Variants in MLLT10 observed in about 807,000 individuals in gnomAD.
The protein encoded by MLLT10 is protein AF-10.
MLLT10 carries 30 observed loss-of-function variants against 129.1 expected under a neutral mutation model. The observed-to-expected ratio is 0.23, with a 90% confidence interval of 0.17 to 0.32. MLLT10 has a LOEUF of 0.32. MLLT10 is among the 10% of genes least tolerant of loss of function. The pLI is 1.00. For missense variants in MLLT10, 1,119 were observed against 1,268.3 expected, an observed-to-expected ratio of 0.88 and a Z score of 1.79; for synonymous variants, 490 against 446.4, an observed-to-expected ratio of 1.10 and a Z score of -1.23.
chr10:21,618,063 A>T (rs1411487431), intron 8 of MLLT10, among the ~76,000 whole-genome samples: 3 of 152,206 alleles, frequency 2.0e-5, no homozygotes, highest in Non-Finnish European at 4.4e-5. Flanking sequence ...GAAGATAAAA[A>T]GGACATTGTC....
intron 5 of MLLT10, among the ~76,000 whole-genome samples, chr10:21,599,775 C>T (rs777884236): frequency 5.9e-5 from 9 of 151,992 alleles, no homozygotes; most frequent in Non-Finnish European, 1.0e-4. Flanking sequence ...ATAATGATGC[C>T]CAGGCTGATC....
intron 3 of MLLT10, among the ~76,000 whole-genome samples, chr10:21,561,638 C>T (rs1262240560): frequency 6.6e-6 from 1 of 152,194 alleles, no homozygotes; most frequent in Non-Finnish European, 1.5e-5. Context: ...TGTCCACCTA[C>T]ATTCTTTTGC....
chr10:21,669,202 C>A (rs2051139974), intron 9 of MLLT10: 10 of 724,886 alleles, frequency 1.4e-5, no homozygotes, highest in Non-Finnish European at 1.9e-5. Flanking sequence ...TGAAATATTT[C>A]TTCTATTTAA....
At chr10:21,652,054 A>G in intron 9 of MLLT10, among the ~76,000 whole-genome samples, 1 of 151,792 alleles carries the variant, frequency 6.6e-6, no homozygotes, top group Non-Finnish European at 1.5e-5. Context: ...CTGGGACTAC[A>G]GGCGCGTGCC....
chr10:21,695,455 C>T (rs2054274283), intron 13 of MLLT10, among the ~76,000 whole-genome samples: 1 of 152,178 alleles, frequency 6.6e-6, no homozygotes, highest in Non-Finnish European at 1.5e-5. Flanking sequence ...AAACACCAAC[C>T]TGTCTTTAGA....
chr10:21,539,017 A>G, intron 3 of MLLT10, 105 bp downstream of exon 3: 1 of 722,046 alleles, frequency 1.4e-6, no homozygotes, highest in Non-Finnish European at 2.3e-6. Flanking sequence ...TTCTTCAAAT[A>G]TCATAATGTA....
chr10:21,553,660 T>C (rs921414235), intron 3 of MLLT10, among the ~76,000 whole-genome samples: 4 of 151,478 alleles, frequency 2.6e-5, no homozygotes, highest in African/African-American at 9.7e-5. Flanking sequence ...CCTTTTCTTT[T>C]TTTTTTTTTC....
chr10:21,670,187 A>G (rs963482542), intron 9 of MLLT10, among the ~76,000 whole-genome samples: 1 of 152,152 alleles, frequency 6.6e-6, no homozygotes, highest in Non-Finnish European at 1.5e-5. Context: ...ACTAATACAT[A>G]CTTTTACTAG....
chr10:21,687,451 A>T (rs1180239648), intron 13 of MLLT10, among the ~76,000 whole-genome samples: 1 of 152,196 alleles, frequency 6.6e-6, no homozygotes, highest in African/African-American at 2.4e-5. Context: ...CTGATGGGGG[A>T]TGAGTTGTCA....
At chr10:21,550,978 G>A (rs1457676027) in intron 3 of MLLT10, among the ~76,000 whole-genome samples, 1 of 150,330 alleles carries the variant, frequency 6.7e-6, no homozygotes, top group African/African-American at 2.5e-5. Context: ...CAGTGCAGTG[G>A]TACGATCTTA....
chr10:21,564,035 A>T (rs1263670069), intron 3 of MLLT10, among the ~76,000 whole-genome samples: 3 of 151,974 alleles, frequency 2.0e-5, no homozygotes, highest in African/African-American at 7.3e-5. Flanking sequence ...GATGGTCTCG[A>T]TCTCCTAACC....
At chr10:21,665,824 G>A (rs983247291) in intron 9 of MLLT10, among the ~76,000 whole-genome samples, 1 of 151,956 alleles carries the variant, frequency 6.6e-6, no homozygotes, top group Admixed American at 6.6e-5. Flanking sequence ...TGCCTCCTGG[G>A]TTCAAGCGAT....
At chr10:21,600,172 A>ACCACTATTTAT (rs1423729175) in intron 5 of MLLT10, among the ~76,000 whole-genome samples, 1 of 152,080 alleles carries the variant, frequency 6.6e-6, no homozygotes, top group Non-Finnish European at 1.5e-5. Context: ...TTATCCTGGC[A>ACCACTATTTAT]CCACACACAC....
chr10:21,626,885 G>C (rs531424683), intron 8 of MLLT10, among the ~76,000 whole-genome samples: 1 of 152,162 alleles, frequency 6.6e-6, no homozygotes, highest in Non-Finnish European at 1.5e-5. Flanking sequence ...GTCTTTTCAG[G>C]AACATCAGTT....
intron 14 of MLLT10, among the ~76,000 whole-genome samples, chr10:21,725,811 C>G (rs950093550): frequency 2.0e-4 from 29 of 142,934 alleles, no homozygotes; most frequent in African/African-American, 7.3e-4. Flanking sequence ...AGTGCAGTGG[C>G]GTGATCTCCT....
chr10:21,540,498 G>C (rs1460449153), intron 3 of MLLT10, among the ~76,000 whole-genome samples: 4 of 152,108 alleles, frequency 2.6e-5, no homozygotes, highest in Non-Finnish European at 5.9e-5. Context: ...TGAGGCTGCA[G>C]TGAACCATGA....
intron 8 of MLLT10, among the ~76,000 whole-genome samples, chr10:21,621,690 AC>A (rs1333558157): frequency 7.1e-6 from 1 of 140,698 alleles, no homozygotes; most frequent in Admixed American, 7.1e-5. Flanking sequence ...GGGATTCCAC[AC>A]CCCTGCCTCC....
At chr10:21,556,795 TCTTACTACAGCAG>T in intron 3 of MLLT10, 1 of 1,585,064 alleles carries the variant, frequency 6.3e-7, no homozygotes, top group Non-Finnish European at 8.6e-7. Context: ...TTTGGGCTTG[TCTTACTACAGCAG>T]CTTTCTTCGG....
intron 3 of MLLT10, among the ~76,000 whole-genome samples, chr10:21,542,907 G>A (rs2035435181): frequency 6.6e-6 from 1 of 151,982 alleles, no homozygotes; most frequent in Non-Finnish European, 1.5e-5. Flanking sequence ...TTTTTGCAGG[G>A]GGGCATTTTA....
Sources: gnomAD v4.1 joint callset for allele counts (sites outside exome capture counted in the v4.1 genomes callset) on GRCh38, gnomAD v4.1.1 for gene constraint, MANE v1.5 for transcripts, NCBI Gene and HGNC (gene_info 2026-07-23, HGNC 2026-07-21) for gene names.